Variants in OR3A2 observed in about 807,000 individuals in gnomAD.
OR3A2 encodes olfactory receptor 3A2.
For synonymous variants in OR3A2, 126 were observed against 159.3 expected (o/e 0.79, Z 1.57); for missense variants, 318 against 392.8 (o/e 0.81, Z 1.61).
intron 2 of OR3A2, among the ~76,000 whole-genome samples, chr17:3,337,424 AT>A (rs1193670030): frequency 6.6e-6 from 1 of 150,432 alleles, no homozygotes; most frequent in Non-Finnish European, 1.5e-5. Flanking sequence ...TCCCTCCCCC[AT>A]CCCCCAACCC....
At chr17:3,307,117 T>C (rs1214990556) in intron 3 of OR3A2, among the ~76,000 whole-genome samples, 1 of 152,224 alleles carries the variant, frequency 6.6e-6, no homozygotes, top group African/African-American at 2.4e-5. Flanking sequence ...GAGGATCGCC[T>C]GCATGTACTG....
chr17:3,337,434 C>A (rs542317551), intron 2 of OR3A2, among the ~76,000 whole-genome samples: 5 of 152,264 alleles, frequency 3.3e-5, no homozygotes, highest in Admixed American at 6.5e-5. Flanking sequence ...ATCCCCCAAC[C>A]CCACGAGAGG....
rs145126011 is a variant in OR3A2, at chr17:3,369,971, T to G, written c.-179+13833A>C. Reference sequence around the variant, plus strand: ...GGCGCATGCCACCACGCATGGCTAATTTTTGTATTTTTTGTAGATGATGGG... The same window carrying G: ...GGCGCATGCCACCACGCATGGCTAAGTTTTGTATTTTTTGTAGATGATGGG... On this transcript the variant is annotated intron_variant, in intron 2 of 4. Coordinates refer to the OR3A2 transcript ENST00000573491. Among the ~76,000 whole-genome samples the G allele has an allele frequency of 1.2e-4, 19 of 152,120 alleles. No homozygotes were observed. The East Asian group carries it at 3.7e-3, about 29-fold the overall frequency.
intron 2 of OR3A2, among the ~76,000 whole-genome samples, chr17:3,337,070 G>T (rs1210457115): frequency 6.6e-6 from 1 of 152,108 alleles, no homozygotes; most frequent in African/African-American, 2.4e-5. Flanking sequence ...ACCCAAAATG[G>T]ACATTCAGGT....
intron 2 of OR3A2, among the ~76,000 whole-genome samples, chr17:3,369,491 GATC>G (rs1259868212): frequency 6.6e-6 from 1 of 152,128 alleles, no homozygotes; most frequent in Non-Finnish European, 1.5e-5. Context: ...CTATTGAGAT[GATC>G]ATAAGATTTG....
chr17:3,276,881 T>C (rs1181789131), downstream of OR3A2: 1 of 152,064 alleles, frequency 6.6e-6, no homozygotes, highest in Non-Finnish European at 1.5e-5. Context: ...TGGGCTCTTT[T>C]CCTCTCTAGA....
chr17:3,337,492 T>C (rs1341868387), intron 2 of OR3A2, among the ~76,000 whole-genome samples: 1 of 152,180 alleles, frequency 6.6e-6, no homozygotes, highest in East Asian at 1.9e-4. Context: ...TTCTCATTGT[T>C]CATTTCTCAC....
chr17:3,384,786 T>C (rs1244387716), intron 1 of OR3A2, among the ~76,000 whole-genome samples: 1 of 152,190 alleles, frequency 6.6e-6, no homozygotes, highest in Non-Finnish European at 1.5e-5. Context: ...GCCATTCATT[T>C]ACTTTTTGTT....
chr17:3,376,858 G>A lies in OR3A2; in HGVS notation c.-179+6946C>T, dbSNP rs1597365381. ...ATCCCTGTGAGATAAGGCCAGGGAT[G>A]GCTTCCCTGGGCTTGGACTGGAGAC... On this transcript the variant is annotated intron_variant, in intron 2 of 4. Transcript: ENST00000573491. Among the ~76,000 whole-genome samples, 5 of 152,274 alleles carry A rather than the reference G, an allele frequency of 3.3e-5. No homozygotes were observed. The South Asian group carries it at 1.0e-3, about 32-fold the overall frequency.
At chr17:3,342,743 C>A (rs2049330129) in intron 2 of OR3A2, among the ~76,000 whole-genome samples, 2 of 152,188 alleles carry the variant, frequency 1.3e-5, no homozygotes, top group South Asian at 4.1e-4. Flanking sequence ...GGTCAGGGAC[C>A]CACTTGACGA....
chr17:3,379,490 G>A (rs867840670), intron 2 of OR3A2, among the ~76,000 whole-genome samples: 4 of 152,272 alleles, frequency 2.6e-5, no homozygotes, highest in Middle Eastern at 6.8e-3. Flanking sequence ...CGGCTGCCAC[G>A]ATCCCTGAAC....
At chr17:3,321,074 C>G (rs1489704019) in intron 3 of OR3A2, among the ~76,000 whole-genome samples, 1 of 152,078 alleles carries the variant, frequency 6.6e-6, no homozygotes, top group Non-Finnish European at 1.5e-5. Flanking sequence ...GTTTGTAGTT[C>G]TCCTTGAAGA....
upstream of OR3A2, among the ~76,000 whole-genome samples, chr17:3,286,071 C>T (rs2048808171): frequency 6.6e-6 from 1 of 152,126 alleles, no homozygotes; most frequent in African/African-American, 2.4e-5. Flanking sequence ...CCCTTGCCCC[C>T]CACCCCCCAA....
At chr17:3,360,316 A>G (rs1451669022) in intron 2 of OR3A2, among the ~76,000 whole-genome samples, 1 of 151,638 alleles carries the variant, frequency 6.6e-6, no homozygotes, top group East Asian at 1.9e-4. Context: ...TCTGGATATT[A>G]GCCCATTGTC....
chr17:3,341,329 C>A (rs931900940), intron 2 of OR3A2, among the ~76,000 whole-genome samples: 16 of 151,954 alleles, frequency 1.1e-4, no homozygotes, highest in Admixed American at 9.8e-4. Flanking sequence ...GTGATTTTGC[C>A]CGTTAATTGA....
intron 3 of OR3A2, among the ~76,000 whole-genome samples, chr17:3,315,636 G>C (rs567912178): frequency 3.1e-4 from 47 of 151,808 alleles, no homozygotes; most frequent in Admixed American, 5.3e-4. Flanking sequence ...CAATCCATAG[G>C]TTGTCTGTTT....
At chr17:3,323,680 T>C (rs2049145781) in intron 3 of OR3A2, among the ~76,000 whole-genome samples, 1 of 152,126 alleles carries the variant, frequency 6.6e-6, no homozygotes, top group Admixed American at 6.6e-5. Flanking sequence ...ATGTTGAATA[T>C]TTGCCCCCAC....
chr17:3,314,235 T>C (rs1033197973), intron 3 of OR3A2, among the ~76,000 whole-genome samples: 2 of 152,216 alleles, frequency 1.3e-5, no homozygotes, highest in South Asian at 2.1e-4. Flanking sequence ...TGGGAAATCC[T>C]ATAATATCCA....
Position 3,336,028 on chromosome 17 carries a change from C to G in OR3A2, c.-85+5G>C, listed in dbSNP as rs886623754. On this transcript the variant is annotated splice_donor_5th_base_variant and intron_variant, in intron 3 of 4. Transcript: ENST00000573491. ...TTCATAACTGGCAAATGCAAACTTACAAACCATTCCTGCCGGAACACGCAG... is the reference window on the plus strand; with the variant it reads ...TTCATAACTGGCAAATGCAAACTTAGAAACCATTCCTGCCGGAACACGCAG... 6 of 152,332 alleles carry G rather than the reference C, an allele frequency of 3.9e-5. No individual in the cohort carries two copies. Among genetic ancestry groups the G allele is most frequent in the African/African-American group, 1.4e-4 (6 of 41,464 alleles). 9.4% of individuals were successfully genotyped at this position (152,332 alleles called of 1,614,324 possible).
Sources: allele counts gnomAD v4.1 joint callset (sites outside exome capture counted in the v4.1 genomes callset), GRCh38; gene constraint gnomAD v4.1.1; transcripts MANE v1.5; gene names NCBI Gene and HGNC (gene_info 2026-07-23, HGNC 2026-07-21).